The following CYP7B1 variants were observed in gnomAD, a reference collection of about 807,000 sequenced individuals.
CYP7B1 encodes the protein cytochrome P450 family 7 subfamily B member 1, also known as cytochrome P450 7B1.
A neutral mutation model predicts 42.7 loss-of-function variants in CYP7B1; 29 were observed. That is an observed-to-expected ratio of 0.68 (90% CI 0.51 to 0.93). CYP7B1 has a LOEUF of 0.93. Among genes scored for constraint, CYP7B1 ranks in the 40% least tolerant of loss-of-function variants. The pLI, the probability that CYP7B1 is intolerant of heterozygous loss-of-function variation, is 0.00. For synonymous variants in CYP7B1, 235 were observed against 218.2 expected (o/e 1.08, Z -0.68); for missense variants, 655 against 600.5 (o/e 1.09, Z -0.95).
chr8:64,721,666 C>T (rs1428768927), intron 1 of CYP7B1, among the ~76,000 whole-genome samples: 2 of 152,008 alleles, frequency 1.3e-5, no homozygotes, highest in East Asian at 3.9e-4. Flanking sequence ...TGACTTACAG[C>T]CATCCTGGAT....
intron 1 of CYP7B1, among the ~76,000 whole-genome samples, chr8:64,677,489 T>C (rs943931415): frequency 8.8e-5 from 13 of 147,534 alleles, no homozygotes; most frequent in Non-Finnish European, 1.5e-4. Flanking sequence ...TTATATTAGC[T>C]AATTTCCAGA....
chr8:64,772,844 C>T (rs1290843221), intron 1 of CYP7B1, among the ~76,000 whole-genome samples: 2 of 152,190 alleles, frequency 1.3e-5, no homozygotes, highest in Admixed American at 6.5e-5. Context: ...GCCTCCTTAC[C>T]ATTTGTCAGG....
At chr8:64,649,926 T>C (rs1425169466) in intron 1 of CYP7B1, among the ~76,000 whole-genome samples, 1 of 151,398 alleles carries the variant, frequency 6.6e-6, no homozygotes, top group Non-Finnish European at 1.5e-5. Flanking sequence ...TTGTTTTTGT[T>C]GAATTGTAGA....
chr8:64,630,157 G>A (rs1387268468), intron 1 of CYP7B1, among the ~76,000 whole-genome samples: 1 of 151,858 alleles, frequency 6.6e-6, no homozygotes, highest in Non-Finnish European at 1.5e-5. Context: ...AGGAAGTGGG[G>A]GGAAAGAGTC....
chr8:64,680,805 G>A (rs62521091), intron 1 of CYP7B1, among the ~76,000 whole-genome samples: 11,900 of 152,184 alleles, frequency 0.078, 628 homozygotes, highest in Non-Finnish European at 0.11. Flanking sequence ...TTATATTTGT[G>A]AGAAAGTAAG....
In CYP7B1 at chr8:64,749,227, C is replaced by T. The variant is rs1479515933; in HGVS notation, c.122+49239G>A. 2.0e-5 allele frequency among the ~76,000 whole-genome samples: 3 copies of T among 152,090 alleles called. No homozygotes were observed. In the East Asian group the frequency reaches 5.8e-4, roughly 29 times the overall value. On this transcript the variant is annotated intron_variant, in intron 1 of 5. Coordinates refer to ENST00000310193, the MANE Select transcript of CYP7B1 (RefSeq NM_004820.5). ...TCCTGAGTAGCTGGGATTACAGGTG[C>T]ACACTGCCACACCTGGCTGATTTTT...
At chr8:64,773,314 C>T (rs1804265758) in intron 1 of CYP7B1, among the ~76,000 whole-genome samples, 1 of 152,162 alleles carries the variant, frequency 6.6e-6, no homozygotes, top group South Asian at 2.1e-4. Context: ...CTAATGTACA[C>T]TTGTTTCTCT....
At chr8:64,735,213 G>T (rs897439249) in intron 1 of CYP7B1, among the ~76,000 whole-genome samples, 1 of 152,032 alleles carries the variant, frequency 6.6e-6, no homozygotes, top group African/African-American at 2.4e-5. Flanking sequence ...TTTCTAAAAT[G>T]GATATACTAT....
At chr8:64,614,726 G>C (rs12542923) in intron 4 of CYP7B1, among the ~76,000 whole-genome samples, 1 of 152,132 alleles carries the variant, frequency 6.6e-6, no homozygotes, top group South Asian at 2.1e-4. Flanking sequence ...GAAAGCATTA[G>C]CACATCAACA....
At chr8:64,755,179 G>A (rs1402840750) in intron 1 of CYP7B1, among the ~76,000 whole-genome samples, 2 of 152,166 alleles carry the variant, frequency 1.3e-5, no homozygotes, top group Non-Finnish European at 2.9e-5. Flanking sequence ...GTGTGTGTGC[G>A]TGCATGTGTG....
rs1397406990 is a variant in CYP7B1, at chr8:64,593,238, T to G, written c.*3404A>C. On this transcript the variant is annotated 3_prime_UTR_variant, in exon 6 of 6. Transcript: ENST00000310193. ...ACTAAAGGCTAGGGCCCAGGGTGTG[T>G]GTGTGTGTGTGTGTGTGTGTGTGTG... Among the ~76,000 whole-genome samples the G allele has an allele frequency of 2.8e-3, 138 of 49,352 alleles. No individual in the cohort carries two copies. The highest frequency in any genetic ancestry group is 3.9e-3 in the South Asian group (6 of 1,550). The allele number at this position is 49,352 out of a possible 152,430, so 32.4% of individuals were successfully genotyped here.
intron 1 of CYP7B1, among the ~76,000 whole-genome samples, chr8:64,690,846 A>T (rs1478961352): frequency 6.6e-6 from 1 of 152,236 alleles, no homozygotes; most frequent in Non-Finnish European, 1.5e-5. Flanking sequence ...TTCTGCCAGG[A>T]CATTTTTGTG....
intron 1 of CYP7B1, among the ~76,000 whole-genome samples, chr8:64,747,368 C>G (rs1029534851): frequency 1.3e-5 from 2 of 150,472 alleles, no homozygotes; most frequent in Non-Finnish European, 3.0e-5. Flanking sequence ...GCACTGACCT[C>G]CACCCCTGCA....
intron 2 of CYP7B1, among the ~76,000 whole-genome samples, chr8:64,619,817 G>A (rs534755816): frequency 4.0e-5 from 6 of 151,894 alleles, no homozygotes; most frequent in Non-Finnish European, 5.9e-5. Flanking sequence ...TTGACATCTG[G>A]GTCATTATAA....
rs751976824 is a variant in CYP7B1, at chr8:64,594,177, G to A, written c.*2465C>T. On this transcript the variant is annotated 3_prime_UTR_variant, in exon 6 of 6. Transcript: ENST00000310193. ...CCCTGGGCTGAGATGGTTAGGCACAGTAGTGTGAGGATAGGTGATGGAAAA... is the reference window on the plus strand; with the variant it reads ...CCCTGGGCTGAGATGGTTAGGCACAATAGTGTGAGGATAGGTGATGGAAAA... Among the ~76,000 whole-genome samples, 2 of 152,174 alleles carry A rather than the reference G, an allele frequency of 1.3e-5. No individual in the cohort carries two copies. The highest frequency in any genetic ancestry group is 2.9e-5 in the Non-Finnish European group (2 of 68,022).
intron 1 of CYP7B1, among the ~76,000 whole-genome samples, chr8:64,686,102 G>C (rs1346561136): frequency 9.4e-6 from 1 of 106,008 alleles, no homozygotes; most frequent in Non-Finnish European, 2.0e-5. Context: ...GGAGGGAGGT[G>C]GGGGGGTCAG....
chr8:64,622,821 C>G (rs912048930), intron 2 of CYP7B1, among the ~76,000 whole-genome samples: 1 of 152,134 alleles, frequency 6.6e-6, no homozygotes, highest in Non-Finnish European at 1.5e-5. Context: ...TTGGAGAAAA[C>G]ATGGTAAATC....
rs571634021 is a variant in CYP7B1 at position 64,601,146 on chromosome 8, T to C, written c.1233+3536A>G. Among the ~76,000 whole-genome samples the C allele has an allele frequency of 2.0e-5, 3 of 152,308 alleles. No individual in the cohort carries two copies. In the South Asian group the frequency reaches 6.2e-4, roughly 32 times the overall value. On this transcript the variant is annotated intron_variant, in intron 5 of 5. Transcript: ENST00000310193. ...ATAATAATTGGTACCACAATTCTTT[T>C]AGTGATTTAGAATTTTTTCAAGGGC... is the stretch of plus-strand genomic sequence containing the variant.
At position 64,641,112 on chromosome 8, in the gene CYP7B1, C is replaced by T. The variant is rs148753338; in HGVS notation, c.123-16573G>A. On this transcript the variant is annotated intron_variant, in intron 1 of 5. Coordinates refer to ENST00000310193, the MANE Select transcript of CYP7B1 (RefSeq NM_004820.5). ...ACAAAAATCTAATTTCCATATTCAA[C>T]GCTGGTTACCTGAATGAGCCATATG... Among the ~76,000 whole-genome samples, 489 of 152,264 alleles carry T rather than the reference C, an allele frequency of 3.2e-3. 1 individual carries two copies. Among genetic ancestry groups the T allele is most frequent in the Non-Finnish European group, 5.1e-3 (346 of 68,008 alleles).
Sources: gnomAD v4.1 joint callset for allele counts (sites outside exome capture counted in the v4.1 genomes callset) on GRCh38, gnomAD v4.1.1 for gene constraint, MANE v1.5 for transcripts, NCBI Gene and HGNC (gene_info 2026-07-23, HGNC 2026-07-21) for gene names.